ARSK: variants seen among roughly 807,000 people sequenced by gnomAD.
ARSK encodes arylsulfatase K.
Under a neutral mutation model 53.2 loss-of-function variants are expected in ARSK, and 37 were observed. The ratio of observed to expected loss-of-function variants is 0.70; its 90% CI spans 0.54 to 0.92. ARSK has a LOEUF of 0.92. Ranked by LOEUF, ARSK falls within the 40% of genes least tolerant of loss-of-function variation. The pLI is 0.00. For missense variants in ARSK, 613 were observed against 643.0 expected (o/e 0.95, Z 0.51); for synonymous variants, 208 against 223.2 (o/e 0.93, Z 0.61).
intron 1 of ARSK, chr5:95,556,375 G>A: frequency 4.8e-6 from 3 of 625,200 alleles, no homozygotes; most frequent in Non-Finnish European, 5.7e-6. Context: ...AATGAAGGAA[G>A]CAGGATTGTG....
At chr5:95,582,640 T>C (rs554094875) in intron 3 of ARSK, among the ~76,000 whole-genome samples, 1 of 152,214 alleles carries the variant, frequency 6.6e-6, no homozygotes, top group Non-Finnish European at 1.5e-5. Flanking sequence ...ACATTTTGTT[T>C]AAATATCTTG....
chr5:95,594,568 A>G (rs6897586), intron 6 of ARSK, among the ~76,000 whole-genome samples: 37,872 of 152,140 alleles, frequency 0.25, 6,293 homozygotes, highest in African/African-American at 0.47. Flanking sequence ...CTTGCTGGGC[A>G]CGGTGGCTCA....
At chr5:95,564,303 C>G (rs1160988341) in intron 1 of ARSK, among the ~76,000 whole-genome samples, 1 of 152,052 alleles carries the variant, frequency 6.6e-6, no homozygotes, top group African/African-American at 2.4e-5. Flanking sequence ...CTTCGCCTTT[C>G]TAGCTCATCA....
intron 3 of ARSK, among the ~76,000 whole-genome samples, chr5:95,573,200 G>T (rs571111269): frequency 2.1e-4 from 32 of 152,110 alleles, no homozygotes; most frequent in African/African-American, 7.2e-4. Flanking sequence ...TATTCTAAGG[G>T]ATCAAATCCA....
chr5:95,590,630 C>A (rs1248816979), intron 5 of ARSK, among the ~76,000 whole-genome samples: 1 of 152,278 alleles, frequency 6.6e-6, no homozygotes. Context: ...GATTACACCT[C>A]AGAATCTGTA....
intron 6 of ARSK, chr5:95,600,568 T>A: frequency 1.8e-6 from 1 of 562,066 alleles, no homozygotes; most frequent in Non-Finnish European, 3.3e-6. Flanking sequence ...AAGTATCTTA[T>A]TTAAACCTAA....
At chr5:95,579,006 T>C (rs1748975974) in intron 3 of ARSK, among the ~76,000 whole-genome samples, 1 of 152,240 alleles carries the variant, frequency 6.6e-6, no homozygotes, top group Non-Finnish European at 1.5e-5. Flanking sequence ...TAACTGCTGA[T>C]TGTTGGTTAG....
In ARSK at chr5:95,583,176, CA is replaced by C; in HGVS notation, c.678del (p.Ser227LeufsTer27). On this transcript the variant is annotated frameshift_variant, in exon 4 of 8. Transcript: ENST00000380009. LOFTEE classifies it high-confidence loss of function. Reference protein sequence around the residue: ...GENFGSSTFHTSLYWLEKVSH... With the variant: ...GENFGSSTFHXSLYWLEKVSH... ...AATTTTGGATCTTCAACATTTCACA[CA>C]TCTCTTTATTGGCTTGAAAAAGTAA... 6.3e-7 allele frequency: 1 copy of C among 1,585,050 alleles called. No homozygotes were observed.
At chr5:95,601,169 G>C (rs1749397052) in intron 7 of ARSK, 98 bp downstream of exon 7, 1 of 1,144,090 alleles carries the variant, frequency 8.7e-7, no homozygotes, top group African/African-American at 1.6e-5. Flanking sequence ...TTAAATAAAT[G>C]AATATCTGCT....
chr5:95,596,887 A>G (rs559460172), intron 6 of ARSK, among the ~76,000 whole-genome samples: 16 of 152,110 alleles, frequency 1.1e-4, no homozygotes, highest in Non-Finnish European at 2.4e-4. Flanking sequence ...TTATGATAAA[A>G]TAGGAAGAAT....
intron 5 of ARSK, among the ~76,000 whole-genome samples, chr5:95,590,604 A>T (rs1482930051): frequency 6.6e-6 from 1 of 152,206 alleles, no homozygotes; most frequent in East Asian, 1.9e-4. Context: ...TCCATAGAGC[A>T]GTGAATGTCA....
chr5:95,582,751 G>C (rs1749038814), intron 3 of ARSK, among the ~76,000 whole-genome samples, 165 bp from the exon 4 acceptor site: 1 of 151,864 alleles, frequency 6.6e-6, no homozygotes, highest in Non-Finnish European at 1.5e-5. Flanking sequence ...ATTTTAATTT[G>C]TAATGCTCAA....
At chr5:95,582,858 T>C in intron 3 of ARSK, 58 bp from the exon 4 acceptor site, 1 of 1,466,148 alleles carries the variant, frequency 6.8e-7, no homozygotes, top group South Asian at 1.6e-5. Flanking sequence ...GTATGCTTAG[T>C]ATGTTTTTAA....
At chr5:95,596,772 G>A (rs1240249118) in intron 6 of ARSK, among the ~76,000 whole-genome samples, 1 of 151,932 alleles carries the variant, frequency 6.6e-6, no homozygotes, top group Admixed American at 6.6e-5. Flanking sequence ...ACTATCAAGA[G>A]GCTATTGAAA....
Position 95,555,160 on chromosome 5 carries a change from C to T in ARSK, c.-119C>T. ...TGCGGGTGAAGCTCGGCGTTACTATCAAGCAACCAAACTGCAAGCTTTGGG... is the reference window on the plus strand; with the variant it reads ...TGCGGGTGAAGCTCGGCGTTACTATTAAGCAACCAAACTGCAAGCTTTGGG... On this transcript the variant is annotated 5_prime_UTR_variant, in exon 1 of 8. Transcript: ENST00000380009. This position sits in a 1 kb window ranked among gnomAD's most constrained non-coding sequence, Gnocchi z 4.0. The T allele has an allele frequency of 2.1e-6, 2 of 944,644 alleles. No individual in the cohort carries two copies. The highest frequency in any genetic ancestry group is 3.1e-6 in the Non-Finnish European group (2 of 650,376). The allele number at this position is 944,644 out of a possible 1,614,324, so 58.5% of individuals were successfully genotyped here.
intron 1 of ARSK, among the ~76,000 whole-genome samples, chr5:95,562,625 T>C (rs544337369): frequency 5.3e-5 from 8 of 152,290 alleles, no homozygotes; most frequent in African/African-American, 1.7e-4. Context: ...AATCACAAAA[T>C]TGTATCTACA....
chr5:95,570,802 GAC>G (rs777287143), intron 3 of ARSK, among the ~76,000 whole-genome samples: 3 of 143,896 alleles, frequency 2.1e-5, no homozygotes, highest in East Asian at 2.0e-4. Flanking sequence ...TTTTTTTTGA[GAC>G]ACAGTCTCGC....
intron 5 of ARSK, among the ~76,000 whole-genome samples, chr5:95,590,522 G>A (rs1342133909): frequency 6.6e-6 from 1 of 151,986 alleles, no homozygotes; most frequent in African/African-American, 2.4e-5. Flanking sequence ...GAGGAGTAGG[G>A]GCAAGACCGA....
Position 95,557,702 on chromosome 5 carries a change from T to C in ARSK, c.126+2298T>C, listed in dbSNP as rs559268446. Among the ~76,000 whole-genome samples, 18 of 152,338 alleles carry C rather than the reference T, an allele frequency of 1.2e-4. 1 individual carries two copies. The highest frequency in any genetic ancestry group is 3.4e-4 in the African/African-American group (14 of 41,580). ...CACTGTGATTTATCATTTCTAAAACTCTGCAGGCTAAGATAGAGCAGTTAA... is the reference window on the plus strand; with the variant it reads ...CACTGTGATTTATCATTTCTAAAACCCTGCAGGCTAAGATAGAGCAGTTAA... On this transcript the variant is annotated intron_variant, in intron 1 of 7. Transcript: ENST00000380009.
Sources: allele counts gnomAD v4.1 joint callset (sites outside exome capture counted in the v4.1 genomes callset), GRCh38; gene constraint gnomAD v4.1.1; non-coding constraint Gnocchi (gnomAD v3.1); transcripts MANE v1.5; gene names NCBI Gene and HGNC (gene_info 2026-07-23, HGNC 2026-07-21).